FDX1: variants seen among roughly 807,000 people sequenced by gnomAD.
FDX1 encodes the protein adrenodoxin, mitochondrial.
FDX1 carries 9 observed loss-of-function variants against 14.9 expected under a neutral mutation model. The ratio of observed to expected loss-of-function variants is 0.60; its 90% CI spans 0.36 to 1.05. The LOEUF is 1.05. FDX1 is among the 50% of genes least tolerant of loss of function. FDX1 has a pLI of 0.01. For synonymous variants in FDX1, 92 were observed against 99.4 expected, an observed-to-expected ratio of 0.93 and a Z score of 0.44; for missense variants, 204 against 237.2, an observed-to-expected ratio of 0.86 and a Z score of 0.92.
At chr11:110,458,361 A>G (rs892736988) in intron 3 of FDX1, among the ~76,000 whole-genome samples, 1 of 152,214 alleles carries the variant, frequency 6.6e-6, no homozygotes, top group Non-Finnish European at 1.5e-5. Flanking sequence ...GGTATTCTTA[A>G]GTACACAGCA....
intron 1 of FDX1, among the ~76,000 whole-genome samples, chr11:110,431,690 T>A (rs974720900): frequency 6.6e-6 from 1 of 152,242 alleles, no homozygotes; most frequent in African/African-American, 2.4e-5. Flanking sequence ...GTGTAACTGG[T>A]ATAAGGGAAC....
At chr11:110,433,624 G>GTA (rs1946345973) in intron 1 of FDX1, among the ~76,000 whole-genome samples, 1 of 152,126 alleles carries the variant, frequency 6.6e-6, no homozygotes, top group South Asian at 2.1e-4. Context: ...GAAAAAAATG[G>GTA]CAGTTATTCA....
chr11:110,449,237 G>A lies in FDX1; in HGVS notation c.311-7681G>A, dbSNP rs60906448. 7.1e-3 allele frequency among the ~76,000 whole-genome samples: 1,077 copies of A among 152,216 alleles called. 11 individuals are homozygous for A. The highest frequency in any genetic ancestry group is 0.024 in the African/African-American group (997 of 41,520). On this transcript the variant is annotated intron_variant, in intron 2 of 3. Transcript: ENST00000260270. ...TAGCCAGTATGTAAACAAAATCAAA[G>A]CAGTACTAAAATGTATATACTTTTA...
At chr11:110,447,941 C>G (rs1010020354) in intron 2 of FDX1, among the ~76,000 whole-genome samples, 1 of 152,126 alleles carries the variant, frequency 6.6e-6, no homozygotes, top group African/African-American at 2.4e-5. Context: ...TGTTTAATTC[C>G]TCATTGTATA....
chr11:110,459,264 G>A (rs1463428316), intron 3 of FDX1, among the ~76,000 whole-genome samples: 1 of 152,236 alleles, frequency 6.6e-6, no homozygotes, highest in African/African-American at 2.4e-5. Context: ...GCTGTGTGGA[G>A]TTAATGAGGA....
chr11:110,462,374 T>A lies in FDX1; in HGVS notation c.461T>A (p.Ile154Asn). The A allele has an allele frequency of 6.2e-7, 1 of 1,610,386 alleles. No homozygotes were observed. The highest frequency in any genetic ancestry group is 1.1e-5 in the South Asian group (1 of 90,772). The change falls in exon 4 of 4, where the codon ATC (isoleucine) becomes AAC (asparagine). Residue 154 changes from isoleucine (I) to asparagine (N), a missense_variant. Transcript: ENST00000260270. Reference protein sequence around the residue: ...LTDRSRLGCQICLTKSMDNMT... With the variant: ...LTDRSRLGCQNCLTKSMDNMT... ...TACAGATCACGGTTGGGCTGCCAAA[T>A]CTGTTTGACAAAATCTATGGACAAT...
intron 2 of FDX1, among the ~76,000 whole-genome samples, chr11:110,443,231 G>A (rs114713499): frequency 1.6e-3 from 236 of 152,002 alleles, no homozygotes; most frequent in Middle Eastern, 6.8e-3. Flanking sequence ...AATGGCTGAT[G>A]TTTATGGGTG....
intron 2 of FDX1, among the ~76,000 whole-genome samples, chr11:110,455,501 C>G (rs1407952130): frequency 6.6e-6 from 1 of 152,068 alleles, no homozygotes; most frequent in Admixed American, 6.6e-5. Context: ...ACTCTATATT[C>G]TTTGAAATTG....
At chr11:110,447,868 T>C (rs889557165) in intron 2 of FDX1, among the ~76,000 whole-genome samples, 15 of 152,240 alleles carry the variant, frequency 9.9e-5, no homozygotes, top group African/African-American at 3.6e-4. Context: ...TGTCACAGTT[T>C]AGTAATTATG....
chr11:110,456,652 G>T (rs147802812), intron 2 of FDX1, among the ~76,000 whole-genome samples: 1 of 151,344 alleles, frequency 6.6e-6, no homozygotes, highest in African/African-American at 2.4e-5. Flanking sequence ...GACTACAAGT[G>T]TGTGCCACCA....
chr11:110,444,687 CGTATAT>C (rs1253008608), intron 2 of FDX1, among the ~76,000 whole-genome samples: 1 of 29,530 alleles, frequency 3.4e-5, no homozygotes, highest in African/African-American at 2.1e-4. Flanking sequence ...TATATATACA[CGTATAT>C]ATATATATAT....
intron 2 of FDX1, among the ~76,000 whole-genome samples, chr11:110,442,950 A>G (rs1946414064): frequency 6.6e-6 from 1 of 152,154 alleles, no homozygotes; most frequent in African/African-American, 2.4e-5. Context: ...AATAAGACTC[A>G]CAATATCTGA....
At chr11:110,444,894 G>C (rs1019812384) in intron 2 of FDX1, among the ~76,000 whole-genome samples, 1 of 150,826 alleles carries the variant, frequency 6.6e-6, no homozygotes, top group Non-Finnish European at 1.5e-5. Flanking sequence ...TATTTAACAC[G>C]ACCGACCCGC....
In FDX1 at chr11:110,455,053, C is replaced by T. The variant is rs1206653657; in HGVS notation, c.311-1865C>T. Among the ~76,000 whole-genome samples, 4 of 152,320 alleles carry T rather than the reference C, an allele frequency of 2.6e-5. No individual in the cohort carries two copies. In the East Asian group the frequency reaches 7.7e-4, roughly 29 times the overall value. Reference sequence around the variant, plus strand: ...ATGGAGTCTCACTCTGTCGCCCAGGCTGGAGTGCAGTGGGGCAATCTCGGC... The same window carrying T: ...ATGGAGTCTCACTCTGTCGCCCAGGTTGGAGTGCAGTGGGGCAATCTCGGC... On this transcript the variant is annotated intron_variant, in intron 2 of 3. Coordinates refer to ENST00000260270, the MANE Select transcript of FDX1 (RefSeq NM_004109.5).
intron 2 of FDX1, among the ~76,000 whole-genome samples, chr11:110,453,824 GT>G (rs1204838355): frequency 6.6e-5 from 10 of 152,116 alleles, no homozygotes; most frequent in African/African-American, 9.7e-5. Flanking sequence ...GGTACAGATC[GT>G]TTCTGTAGTG....
At chr11:110,446,684 C>G (rs1591250876) in intron 2 of FDX1, among the ~76,000 whole-genome samples, 1 of 152,346 alleles carries the variant, frequency 6.6e-6, no homozygotes, top group Non-Finnish European at 1.5e-5. Context: ...AACCTGACAT[C>G]CAGTCCATCG....
intron 2 of FDX1, among the ~76,000 whole-genome samples, chr11:110,449,410 T>C (rs540229189): frequency 1.3e-5 from 2 of 152,348 alleles, no homozygotes; most frequent in Non-Finnish European, 2.9e-5. Flanking sequence ...TTAATTTTAA[T>C]TGACAGATCA....
intron 3 of FDX1, among the ~76,000 whole-genome samples, chr11:110,461,382 G>A (rs1946555172): frequency 6.6e-6 from 1 of 151,258 alleles, no homozygotes; most frequent in Non-Finnish European, 1.5e-5. Flanking sequence ...TGTAGTCCCC[G>A]CTACTTAGGA....
intron 3 of FDX1, among the ~76,000 whole-genome samples, chr11:110,457,270 G>A (rs1464198043): frequency 2.6e-5 from 4 of 152,144 alleles, no homozygotes; most frequent in Non-Finnish European, 5.9e-5. Context: ...TTAATTGGAA[G>A]TATAAGTTCT....
Sources: gnomAD v4.1 joint callset for allele counts (sites outside exome capture counted in the v4.1 genomes callset) on GRCh38, gnomAD v4.1.1 for gene constraint, MANE v1.5 for transcripts, NCBI Gene and HGNC (gene_info 2026-07-23, HGNC 2026-07-21) for gene names.